GRK5: variants seen among roughly 807,000 people sequenced by gnomAD.
The protein encoded by GRK5 is G protein-coupled receptor kinase 5.
A neutral mutation model predicts 78.4 loss-of-function variants in GRK5; 40 were observed. That is an observed-to-expected ratio of 0.51 (90% CI 0.40 to 0.66). The LOEUF (loss-of-function observed/expected upper bound fraction) is 0.66, where lower values mean the gene tolerates loss of function less well. Ranked by LOEUF, GRK5 falls within the 30% of genes least tolerant of loss-of-function variation. The pLI is 0.00. For missense variants in GRK5, 598 were observed against 759.9 expected (o/e 0.79, Z 2.50); for synonymous variants, 289 against 296.8 (o/e 0.97, Z 0.27).
intron 8 of GRK5, among the ~76,000 whole-genome samples, chr10:119,434,450 G>C (rs886757054): frequency 2.0e-5 from 3 of 152,252 alleles, no homozygotes; most frequent in African/African-American, 7.2e-5. Flanking sequence ...GGTAAATACA[G>C]CTGTTCCAAA....
intron 1 of GRK5, among the ~76,000 whole-genome samples, chr10:119,302,111 A>G (rs923736874): frequency 1.3e-5 from 2 of 152,182 alleles, no homozygotes; most frequent in African/African-American, 4.8e-5. Context: ...GTGATGGGGC[A>G]GTGGCTATTC....
intron 1 of GRK5, among the ~76,000 whole-genome samples, chr10:119,281,483 A>G (rs1849761255): frequency 6.6e-6 from 1 of 152,028 alleles, no homozygotes; most frequent in Non-Finnish European, 1.5e-5. Context: ...CATTTTGGCC[A>G]TGTCTGTGCA....
In GRK5 at chr10:119,256,101, T is replaced by C. The variant is rs115477375; in HGVS notation, c.52+48132T>C. Among the ~76,000 whole-genome samples, 653 of 151,730 alleles carry C rather than the reference T, an allele frequency of 4.3e-3. 8 individuals carry two copies. Among genetic ancestry groups the C allele is most frequent in the African/African-American group, 0.015 (622 of 41,326 alleles). On this transcript the variant is annotated intron_variant, in intron 1 of 15. Coordinates refer to ENST00000392870, the MANE Select transcript of GRK5 (RefSeq NM_005308.3). ...GCAAATAGAAGACACCGAGACTTGGTATTGACAGTCCTCTGTCAGGAGAGG... is the reference window on the plus strand; with the variant it reads ...GCAAATAGAAGACACCGAGACTTGGCATTGACAGTCCTCTGTCAGGAGAGG...
intron 1 of GRK5, among the ~76,000 whole-genome samples, chr10:119,228,297 A>G (rs1041333963): frequency 6.6e-5 from 10 of 151,902 alleles, no homozygotes; most frequent in African/African-American, 2.4e-4. Context: ...GTGAGCCACG[A>G]TGGTGCCAGT....
rs112475529 is a variant in GRK5 at position 119,207,597 on chromosome 10, C to T, written c.-321C>T. 1,754 of 297,004 alleles carry T rather than the reference C, an allele frequency of 5.9e-3. 30 individuals are homozygous for T. The highest frequency in any genetic ancestry group is 0.038 in the African/African-American group (1,559 of 40,588). 18.4% of individuals were successfully genotyped at this position (297,004 alleles called of 1,614,324 possible). A position where few individuals can be genotyped will look rare whatever the true frequency, so the allele number is the denominator to read the frequency against. On this transcript the variant is annotated 5_prime_UTR_variant, in exon 1 of 16. Coordinates refer to ENST00000392870, the MANE Select transcript of GRK5 (RefSeq NM_005308.3). Reference sequence around the variant, plus strand: ...GAAGCATCCGAGGCATTAAAGCATCCGAGGGAGCCGGAGGGGAGGAGAATG... The same window carrying T: ...GAAGCATCCGAGGCATTAAAGCATCTGAGGGAGCCGGAGGGGAGGAGAATG...
At chr10:119,245,990 A>G (rs1027374044) in intron 1 of GRK5, among the ~76,000 whole-genome samples, 9 of 139,866 alleles carry the variant, frequency 6.4e-5, no homozygotes, top group African/African-American at 2.4e-4. Flanking sequence ...ACTGCCCTCC[A>G]GCCTGGGTGA....
chr10:119,361,517 A>G (rs972638743), intron 2 of GRK5, among the ~76,000 whole-genome samples: 1 of 152,150 alleles, frequency 6.6e-6, no homozygotes, highest in Non-Finnish European at 1.5e-5. Flanking sequence ...CTCCAATTCT[A>G]TGTTGAAGGT....
chr10:119,303,710 G>A (rs1310058244), intron 1 of GRK5, among the ~76,000 whole-genome samples: 5 of 149,628 alleles, frequency 3.3e-5, no homozygotes, highest in African/African-American at 1.2e-4. Context: ...GAGGTGGGAG[G>A]GGAGGAGGCT....
intron 1 of GRK5, among the ~76,000 whole-genome samples, chr10:119,257,325 G>A (rs1173173661): frequency 6.6e-6 from 1 of 152,242 alleles, no homozygotes; most frequent in South Asian, 2.1e-4. Context: ...ATGGAAAAGA[G>A]AACATTCTCT....
chr10:119,237,282 C>T (rs749788638), intron 1 of GRK5, among the ~76,000 whole-genome samples: 5 of 152,134 alleles, frequency 3.3e-5, no homozygotes, highest in Non-Finnish European at 7.4e-5. Context: ...AGGCTGGTCT[C>T]GAACTCCTGC....
intron 2 of GRK5, among the ~76,000 whole-genome samples, chr10:119,340,972 C>G (rs1850971855): frequency 6.6e-6 from 1 of 152,172 alleles, no homozygotes; most frequent in African/African-American, 2.4e-5. Context: ...TAAAGCTGTT[C>G]TGTCTCTGAT....
intron 4 of GRK5, among the ~76,000 whole-genome samples, chr10:119,409,716 C>T (rs886130151): frequency 6.6e-6 from 1 of 151,928 alleles, no homozygotes; most frequent in African/African-American, 2.4e-5. Context: ...TGCCCCCTGC[C>T]CCCCAACCCC....
chr10:119,291,540 TTCC>T (rs1231803280), intron 1 of GRK5, among the ~76,000 whole-genome samples: 4 of 123,156 alleles, frequency 3.2e-5, no homozygotes, highest in African/African-American at 3.4e-5. Flanking sequence ...CCTCCTCCTC[TTCC>T]TCCTCCTCCT....
chr10:119,241,395 A>G (rs1171623433), intron 1 of GRK5, among the ~76,000 whole-genome samples: 1 of 152,180 alleles, frequency 6.6e-6, no homozygotes, highest in Non-Finnish European at 1.5e-5. Context: ...CCCTGTCAGC[A>G]ACTGACAGGT....
At chr10:119,261,146 C>T (rs565333608) in intron 1 of GRK5, among the ~76,000 whole-genome samples, 19 of 148,514 alleles carry the variant, frequency 1.3e-4, no homozygotes, top group Admixed American at 4.7e-4. Flanking sequence ...TCAGACGGGG[C>T]GGCTGCCGGG....
intron 6 of GRK5, among the ~76,000 whole-genome samples, chr10:119,425,937 G>A (rs543493875): frequency 7.8e-4 from 118 of 152,126 alleles, no homozygotes; most frequent in Non-Finnish European, 1.3e-3. Context: ...AGCCCCCAGC[G>A]CAGTGCTCTG....
At chr10:119,384,272 C>T (rs559947962) in intron 3 of GRK5, among the ~76,000 whole-genome samples, 51 of 152,306 alleles carry the variant, frequency 3.3e-4, no homozygotes, top group African/African-American at 1.1e-3. Context: ...CTTCCTCTCT[C>T]TCCTGCTGTG....
intron 1 of GRK5, among the ~76,000 whole-genome samples, chr10:119,265,070 C>T (rs537770595): frequency 6.6e-6 from 1 of 152,330 alleles, no homozygotes; most frequent in South Asian, 2.1e-4. Flanking sequence ...ACCTGTATTG[C>T]CAGGAACCCA....
In GRK5 at chr10:119,449,160, A is replaced by G. The variant is rs768051210; in HGVS notation, c.1404+900A>G. Among the ~76,000 whole-genome samples, 7 of 150,450 alleles carry G rather than the reference A, an allele frequency of 4.7e-5. No homozygotes were observed. The South Asian group carries it at 1.1e-3, about 23-fold the overall frequency. On this transcript the variant is annotated intron_variant, in intron 13 of 15. Transcript: ENST00000392870. ...ACCTCTCTTCCCAATTCCGTGTCCA[A>G]TGGCTTTGCGTCGGTAGCTTACAGT...
Sources: allele counts gnomAD v4.1 joint callset (sites outside exome capture counted in the v4.1 genomes callset), GRCh38; gene constraint gnomAD v4.1.1; transcripts MANE v1.5; gene names NCBI Gene and HGNC (gene_info 2026-07-23, HGNC 2026-07-21).